The following SMCO2 variants were observed in gnomAD, a reference collection of about 807,000 sequenced individuals.
The protein encoded by SMCO2 is single-pass membrane protein with coiled-coil domains 2.
SMCO2 carries 25 observed loss-of-function variants against 29.5 expected under a neutral mutation model. That is an observed-to-expected ratio of 0.85 (90% CI 0.62 to 1.18). SMCO2 has a LOEUF of 1.18. SMCO2 is among the 50% of genes most tolerant of loss of function. SMCO2 has a pLI of 0.00. For missense variants in SMCO2, 348 were observed against 344.5 expected (o/e 1.01, Z -0.08); for synonymous variants, 117 against 123.3 (o/e 0.95, Z 0.34).
chr12:27,477,884 C>A (rs1293654625), intron 4 of SMCO2, among the ~76,000 whole-genome samples: 2 of 151,910 alleles, frequency 1.3e-5, no homozygotes, highest in Non-Finnish European at 2.9e-5. Context: ...ACTTTGAATT[C>A]TTTTTCAGGC....
chr12:27,425,387 T>C, the SMCO2 span: 1 of 152,168 alleles, frequency 6.6e-6, no homozygotes, highest in African/African-American at 2.4e-5. Context: ...TCTGTTACTA[T>C]ATATATTTCT....
intron 4 of SMCO2, among the ~76,000 whole-genome samples, chr12:27,477,733 C>G (rs756332065): frequency 6.9e-6 from 1 of 144,146 alleles, no homozygotes; most frequent in African/African-American, 2.7e-5. Context: ...TATTTCAGCT[C>G]TTTATTATAT....
chr12:27,428,720 T>C, the SMCO2 span, among the ~76,000 whole-genome samples: 2 of 151,964 alleles, frequency 1.3e-5, no homozygotes, highest in African/African-American at 4.8e-5. Flanking sequence ...CACTCCTGGC[T>C]CCTGGCTGAC....
At chr12:27,435,076 C>T in the SMCO2 span, among the ~76,000 whole-genome samples, 1 of 151,930 alleles carries the variant, frequency 6.6e-6, no homozygotes, top group Non-Finnish European at 1.5e-5. Context: ...GGGTAATGTT[C>T]CCATTTTGAA....
chr12:27,462,009 C>T (rs540688819), upstream of SMCO2, among the ~76,000 whole-genome samples: 2 of 152,324 alleles, frequency 1.3e-5, no homozygotes, highest in South Asian at 4.1e-4. Flanking sequence ...TTTATCTAAA[C>T]TGAAGTTAAA....
chr12:27,465,310 ATTATTG>A (rs1383872911), upstream of SMCO2, among the ~76,000 whole-genome samples: 1 of 152,192 alleles, frequency 6.6e-6, no homozygotes, highest in African/African-American at 2.4e-5. Flanking sequence ...AGCTATTACT[ATTATTG>A]TTATTTTGTG....
At chr12:27,489,736 G>A (rs959629111) in intron 5 of SMCO2, among the ~76,000 whole-genome samples, 10 of 152,166 alleles carry the variant, frequency 6.6e-5, no homozygotes, top group African/African-American at 2.4e-4. Flanking sequence ...TTTTGTGTGA[G>A]TTGAAAGAGT....
chr12:27,441,118 G>T, the SMCO2 span, among the ~76,000 whole-genome samples: 5 of 151,968 alleles, frequency 3.3e-5, no homozygotes, highest in Non-Finnish European at 7.3e-5. Context: ...AATTAGCTGG[G>T]CACGGTGGCA....
At chr12:27,456,476 G>A in the SMCO2 span, among the ~76,000 whole-genome samples, 2,643 of 152,200 alleles carry the variant, frequency 0.017, 80 homozygotes, top group African/African-American at 0.059. Flanking sequence ...GAGGAATGGG[G>A]TCTTGCTATG....
chr12:27,476,057 GTTGT>G (rs1434300367), intron 4 of SMCO2, among the ~76,000 whole-genome samples: 1 of 152,110 alleles, frequency 6.6e-6, no homozygotes, highest in Admixed American at 6.5e-5. Flanking sequence ...ATTGTGGTAG[GTTGT>G]TTGTTTTCAT....
the SMCO2 span, among the ~76,000 whole-genome samples, chr12:27,425,471 C>T: frequency 6.6e-6 from 1 of 152,082 alleles, no homozygotes; most frequent in African/African-American, 2.4e-5. Context: ...TAAAGGTTTC[C>T]TTGTGCTCAC....
upstream of SMCO2, among the ~76,000 whole-genome samples, chr12:27,466,563 C>A (rs1272825196): frequency 6.6e-6 from 1 of 152,148 alleles, no homozygotes; most frequent in Non-Finnish European, 1.5e-5. Flanking sequence ...GTAGAAGAAG[C>A]TGAGATTGGA....
At chr12:27,448,320 A>G in the SMCO2 span, among the ~76,000 whole-genome samples, 1 of 152,232 alleles carries the variant, frequency 6.6e-6, no homozygotes, top group Non-Finnish European at 1.5e-5. Context: ...CTGCCAGGTC[A>G]GAATTGCACG....
At chr12:27,425,288 T>C in the SMCO2 span, 1 of 152,124 alleles carries the variant, frequency 6.6e-6, no homozygotes, top group African/African-American at 2.4e-5. Flanking sequence ...CTCCAAAAAG[T>C]GCTCCCTTAA....
chr12:27,484,919 G>A (rs1164314890), intron 4 of SMCO2, among the ~76,000 whole-genome samples: 2 of 143,100 alleles, frequency 1.4e-5, no homozygotes, highest in Non-Finnish European at 3.0e-5. Context: ...TTATATGATC[G>A]ACCTTCATGT....
chr12:27,436,602 T>G, the SMCO2 span, among the ~76,000 whole-genome samples: 63 of 152,224 alleles, frequency 4.1e-4, no homozygotes, highest in Non-Finnish European at 7.2e-4. Context: ...AATAATGAGC[T>G]TCCGGGTGCC....
chr12:27,464,203 G>A (rs1448269360), upstream of SMCO2, among the ~76,000 whole-genome samples: 1 of 152,134 alleles, frequency 6.6e-6, no homozygotes, highest in Non-Finnish European at 1.5e-5. Context: ...GGAAAACACG[G>A]GAATATTTTG....
the SMCO2 span, among the ~76,000 whole-genome samples, chr12:27,432,048 T>C: frequency 6.6e-6 from 1 of 152,234 alleles, no homozygotes; most frequent in African/African-American, 2.4e-5. Context: ...TGGGTGTCTT[T>C]TCGATGTTTG....
chr12:27,458,837 A>C, the SMCO2 span, among the ~76,000 whole-genome samples: 5 of 143,520 alleles, frequency 3.5e-5, no homozygotes, highest in East Asian at 1.1e-3. Context: ...CAGTGAGCTG[A>C]GATTGTGCCA....
Sources: allele counts gnomAD v4.1 joint callset (sites outside exome capture counted in the v4.1 genomes callset), GRCh38; gene constraint gnomAD v4.1.1; transcripts MANE v1.5; gene names NCBI Gene and HGNC (gene_info 2026-07-23, HGNC 2026-07-21).